The following RIMKLB variants were observed in gnomAD, a reference collection of about 807,000 sequenced individuals.
RIMKLB encodes beta-citrylglutamate synthase B.
Under a neutral mutation model 32.0 loss-of-function variants are expected in RIMKLB, and 7 were observed. That is an observed-to-expected ratio of 0.22 (90% CI 0.12 to 0.41). RIMKLB has a LOEUF of 0.41. RIMKLB is among the 10% of genes least tolerant of loss of function. RIMKLB has a pLI of 1.00. For missense variants in RIMKLB, 289 were observed against 498.7 expected, an observed-to-expected ratio of 0.58 and a Z score of 4.00; for synonymous variants, 172 against 185.1, an observed-to-expected ratio of 0.93 and a Z score of 0.57.
At chr12:8,721,778 C>T (rs1328218278) in intron 2 of RIMKLB, among the ~76,000 whole-genome samples, 13 of 152,166 alleles carry the variant, frequency 8.5e-5, no homozygotes, top group African/African-American at 3.1e-4. Context: ...GAGTCTGACT[C>T]TGGCACCCAG....
chr12:8,769,243 C>G (rs927611362), intron 5 of RIMKLB, among the ~76,000 whole-genome samples: 1 of 152,006 alleles, frequency 6.6e-6, no homozygotes, highest in Admixed American at 6.6e-5. Flanking sequence ...TCTTGACTTA[C>G]TAATGTTGTC....
At chr12:8,742,511 G>A in intron 2 of RIMKLB, 1 of 409,224 alleles carries the variant, frequency 2.4e-6, no homozygotes, top group Non-Finnish European at 4.8e-6. Flanking sequence ...CCCACTTAGG[G>A]GGCACCACCC....
At chr12:8,726,740 G>C (rs1194590769) in intron 2 of RIMKLB, among the ~76,000 whole-genome samples, 1 of 151,006 alleles carries the variant, frequency 6.6e-6, no homozygotes, top group African/African-American at 2.4e-5. Context: ...GCACGTAGTT[G>C]GGTCTTGTTT....
downstream of RIMKLB, among the ~76,000 whole-genome samples, chr12:8,781,206 T>G (rs912950985): frequency 6.6e-6 from 1 of 152,100 alleles, no homozygotes; most frequent in Non-Finnish European, 1.5e-5. Context: ...CTGGACGTGG[T>G]GGCGGGCACT....
intron 1 of RIMKLB, among the ~76,000 whole-genome samples, chr12:8,703,602 T>A (rs1369384297): frequency 2.6e-5 from 4 of 152,142 alleles, no homozygotes; most frequent in African/African-American, 2.4e-5. Flanking sequence ...GATTTTTTTG[T>A]AGAGATGAGG....
At chr12:8,753,417 C>T (rs776734335) in intron 4 of RIMKLB, among the ~76,000 whole-genome samples, 2 of 152,158 alleles carry the variant, frequency 1.3e-5, no homozygotes, top group African/African-American at 2.4e-5. Context: ...ACAGCCACTT[C>T]CGTTGGCACA....
Position 8,713,920 on chromosome 12 carries a change from G to A in RIMKLB, c.54G>A (p.Arg18=), listed in dbSNP as rs1217470008. 1.2e-6 allele frequency: 2 copies of A among 1,613,976 alleles called. No individual in the cohort carries two copies. The highest frequency in any genetic ancestry group is 2.7e-5 in the African/African-American group (2 of 74,894). The change falls in exon 2 of 6, where the codon AGG becomes AGA. Residue 18 remains arginine, a synonymous_variant. Transcript: ENST00000535829. ...KLWFLTDRRI[R]EDYPQKEILR... is the part of the protein sequence containing the mutation. Reference sequence around the variant, plus strand: ...GGTTTTTGACAGATCGTCGCATCAGGGAAGACTATCCTCAAAAAGAGATTT... The same window carrying A: ...GGTTTTTGACAGATCGTCGCATCAGAGAAGACTATCCTCAAAAAGAGATTT...
chr12:8,691,476 G>T (rs1250067420), intron 1 of RIMKLB, among the ~76,000 whole-genome samples: 1 of 152,010 alleles, frequency 6.6e-6, no homozygotes, highest in Non-Finnish European at 1.5e-5. Flanking sequence ...CAGGTGCAGT[G>T]GTGCATGCCT....
chr12:8,747,297 A>G (rs1021461450), intron 2 of RIMKLB, among the ~76,000 whole-genome samples: 2 of 152,132 alleles, frequency 1.3e-5, no homozygotes, highest in Non-Finnish European at 2.9e-5. Flanking sequence ...GTACATCAAT[A>G]CCATCAATAC....
At chr12:8,726,247 T>G (rs1234548310) in intron 2 of RIMKLB, among the ~76,000 whole-genome samples, 2 of 152,234 alleles carry the variant, frequency 1.3e-5, no homozygotes, top group Non-Finnish European at 1.5e-5. Context: ...TTTTGGCCAG[T>G]AAGATGTAGT....
rs1178894866 is a variant in RIMKLB at position 8,741,377 on chromosome 12, T to TA, written c.176-8474dup. Among the ~76,000 whole-genome samples the TA allele has an allele frequency of 4.4e-3, 568 of 128,868 alleles. 6 individuals carry two copies. The highest frequency in any genetic ancestry group is 6.1e-3 in the East Asian group (26 of 4,232). 84.5% of individuals were successfully genotyped at this position (128,868 alleles called of 152,430 possible). On this transcript the variant is annotated intron_variant, in intron 2 of 5. Coordinates refer to ENST00000535829, the MANE Select transcript of RIMKLB (RefSeq NM_001297776.2). ...TGGGCGACAGAGCAAGACTCCACCT[T>TA]AAAAAAAAAAAGGAGAATCAGTTCT...
At chr12:8,728,170 T>G (rs1946210219) in intron 2 of RIMKLB, among the ~76,000 whole-genome samples, 1 of 152,194 alleles carries the variant, frequency 6.6e-6, no homozygotes, top group Non-Finnish European at 1.5e-5. Context: ...TTTGTGGAAG[T>G]CTTTAGCCTA....
At chr12:8,751,871 CTG>C (rs1948647160) in intron 3 of RIMKLB, 84 bp from the exon 4 acceptor site, 1 of 831,452 alleles carries the variant, frequency 1.2e-6, no homozygotes, top group South Asian at 1.5e-5. Context: ...CTTCCTTGTG[CTG>C]TTGGTTGTCT....
At chr12:8,766,324 G>A (rs1949959924) in intron 5 of RIMKLB, among the ~76,000 whole-genome samples, 1 of 152,084 alleles carries the variant, frequency 6.6e-6, no homozygotes, top group Non-Finnish European at 1.5e-5. Context: ...GGGTCCGGCT[G>A]CTGGATTCTA....
At chr12:8,715,312 C>G (rs1944735455) in intron 2 of RIMKLB, among the ~76,000 whole-genome samples, 1 of 150,326 alleles carries the variant, frequency 6.7e-6, no homozygotes, top group Admixed American at 6.6e-5. Context: ...GCAACCTCTG[C>G]CTCCCAGGTT....
At chr12:8,714,859 A>C (rs1244553621) in intron 2 of RIMKLB, among the ~76,000 whole-genome samples, 2 of 152,218 alleles carry the variant, frequency 1.3e-5, no homozygotes, top group Non-Finnish European at 2.9e-5. Context: ...TAGTATAAAT[A>C]CATTTTAGAT....
chr12:8,710,137 C>G, intron 1 of RIMKLB, among the ~76,000 whole-genome samples: 1 of 151,542 alleles, frequency 6.6e-6, no homozygotes, highest in African/African-American at 2.4e-5. Context: ...CAAGCATGCA[C>G]CAACACACCC....
intron 5 of RIMKLB, among the ~76,000 whole-genome samples, chr12:8,764,263 C>T (rs1949769988): frequency 6.6e-6 from 1 of 152,134 alleles, no homozygotes; most frequent in Non-Finnish European, 1.5e-5. Flanking sequence ...GAATTCTTCG[C>T]TTGTCCATAT....
At chr12:8,742,756 C>A in intron 2 of RIMKLB, 1 of 232,968 alleles carries the variant, frequency 4.3e-6, no homozygotes, top group South Asian at 6.2e-5. Flanking sequence ...TTGGAACCTT[C>A]ACTAACCAAG....
Sources: gnomAD v4.1 joint callset for allele counts (sites outside exome capture counted in the v4.1 genomes callset) on GRCh38, gnomAD v4.1.1 for gene constraint, MANE v1.5 for transcripts, NCBI Gene and HGNC (gene_info 2026-07-23, HGNC 2026-07-21) for gene names.